GTPBP1: variants seen among roughly 807,000 people sequenced by gnomAD.
The protein encoded by GTPBP1 is GTP-binding protein 1.
Under a neutral mutation model 62.0 loss-of-function variants are expected in GTPBP1, and 23 were observed. The ratio of observed to expected loss-of-function variants is 0.37; its 90% confidence interval spans 0.27 to 0.53. The LOEUF (loss-of-function observed/expected upper bound fraction) is 0.53. Among genes scored for constraint, GTPBP1 ranks in the 20% least tolerant of loss-of-function variants. The pLI is 0.89. For synonymous variants in GTPBP1, 344 were observed against 364.4 expected (o/e 0.94, Z 0.64); for missense variants, 640 against 917.3 (o/e 0.70, Z 3.90).
chr22:38,737,954 G>C (rs550432318), downstream of GTPBP1: 2 of 697,774 alleles, frequency 2.9e-6, no homozygotes, highest in South Asian at 3.0e-5. The surrounding 1 kb of genome is among the most constrained non-coding windows in gnomAD (Gnocchi z 4.1). Flanking sequence ...TTTCCAGGAA[G>C]CTTCCCTCAT....
intron 6 of GTPBP1, chr22:38,725,659 C>T: frequency 4.1e-6 from 1 of 245,090 alleles, no homozygotes; most frequent in Non-Finnish European, 8.0e-6. Context: ...GGGGTATCTT[C>T]TCTGTGGTGG....
At chr22:38,722,511 C>T (rs779675149) in intron 5 of GTPBP1, among the ~76,000 whole-genome samples, 2 of 152,014 alleles carry the variant, frequency 1.3e-5, no homozygotes, top group Non-Finnish European at 2.9e-5. Context: ...TCTACAGAGG[C>T]GAATTATATT....
At position 38,730,428 on chromosome 22, in the gene GTPBP1, T is replaced by C. The variant is rs867249893; in HGVS notation, c.1918-184T>C. Among the ~76,000 whole-genome samples the C allele has an allele frequency of 1.4e-4, 22 of 152,134 alleles. No homozygotes were observed. The highest frequency in any genetic ancestry group is 2.5e-4 in the Non-Finnish European group (17 of 68,014). ...AAGGCAGGGCAGGCACTGGCTCCAT[T>C]TTAGAGACAGAGGGGAGGTGCTGCA... On this transcript the variant is annotated intron_variant, in intron 11 of 11. Transcript: ENST00000216044. This position sits in a 1 kb window ranked among gnomAD's most constrained non-coding sequence, Gnocchi z 5.6.
At chr22:38,715,629 T>G (rs1284845088) in intron 2 of GTPBP1, among the ~76,000 whole-genome samples, 1 of 152,198 alleles carries the variant, frequency 6.6e-6, no homozygotes, top group African/African-American at 2.4e-5. Flanking sequence ...GTAGTCCTAG[T>G]ACCCAGCATG....
intron 10 of GTPBP1, 106 bp from the exon 11 acceptor site, chr22:38,729,356 A>G (rs1000202680): frequency 2.5e-6 from 2 of 799,204 alleles, no homozygotes. Context: ...TGGCAAGATC[A>G]AGGAATGAGG....
chr22:38,713,794 G>T (rs1656630826), intron 2 of GTPBP1, among the ~76,000 whole-genome samples: 1 of 152,216 alleles, frequency 6.6e-6, no homozygotes, highest in Non-Finnish European at 1.5e-5. Flanking sequence ...TGTCTGTGCT[G>T]TTGTTTAAAA....
downstream of GTPBP1, chr22:38,741,515 C>A (rs1474456263): frequency 6.2e-7 from 1 of 1,614,056 alleles, no homozygotes. Flanking sequence ...GGACGATCTT[C>A]TTGAAGAGGT....
intron 11 of GTPBP1, among the ~76,000 whole-genome samples, 189 bp downstream of exon 11, chr22:38,729,851 G>A (rs566921687): frequency 2.2e-4 from 33 of 152,294 alleles, no homozygotes; most frequent in African/African-American, 7.9e-4. Context: ...TTCCAAATCA[G>A]GGAATACAGC....
At chr22:38,725,799 A>G (rs1250050202) in intron 6 of GTPBP1, 2 of 580,064 alleles carry the variant, frequency 3.4e-6, no homozygotes, top group South Asian at 2.1e-5. Flanking sequence ...TGAGTGAGAG[A>G]AGAAGGCCTC....
intron 5 of GTPBP1, 97 bp downstream of exon 5, chr22:38,721,962 T>C: frequency 2.7e-6 from 2 of 735,654 alleles, no homozygotes; most frequent in Admixed American, 3.2e-5. Flanking sequence ...GCCCAGAAAC[T>C]TCTTTTCTTT....
In GTPBP1 at chr22:38,731,299, G is replaced by C. The variant is rs1254479745; in HGVS notation, c.*595G>C. The C allele has an allele frequency of 6.6e-6, 1 of 152,196 alleles. No individual in the cohort carries two copies. Among genetic ancestry groups the C allele is most frequent in the Non-Finnish European group, 1.5e-5 (1 of 68,124 alleles). 9.4% of individuals were successfully genotyped at this position (152,196 alleles called of 1,614,324 possible). A position where few individuals can be genotyped will look rare whatever the true frequency, so the allele number is the denominator to read the frequency against. The stretch of plus-strand genomic sequence containing the variant: ...GCAGGAACCCCCAGTCTAGGACTTG[G>C]GCATTTTAACAGGGAGAAAGTAGTG... On this transcript the variant is annotated 3_prime_UTR_variant, in exon 12 of 12. Transcript: ENST00000216044.
downstream of GTPBP1, chr22:38,736,471 GC>G: frequency 1.9e-6 from 2 of 1,026,532 alleles, no homozygotes; most frequent in Non-Finnish European, 2.8e-6. Context: ...CTCGCCTAGG[GC>G]CAGATGGCTC....
chr22:38,723,276 T>C lies in GTPBP1; in HGVS notation c.959-1021T>C, dbSNP rs114901221. The C allele has an allele frequency of 2.6e-3, 2,383 of 918,532 alleles. 51 individuals are homozygous for C. The African/African-American group carries it at 0.034, about 13-fold the overall frequency. The allele number at this position is 918,532 out of a possible 1,614,324, so 56.9% of individuals were successfully genotyped here. ...AGGTCTTTGAACTCTCCATTGACAA[T>C]GGCTGTACCCTTAAAATAGGGTGCA... On this transcript the variant is annotated intron_variant, in intron 5 of 11. Transcript: ENST00000216044.
rs778724432 is a variant in GTPBP1, at chr22:38,724,429, C to T, written c.1073+18C>T. ...TCTGAAAGGTAACGCGTGGGGAGCG[C>T]ACACTTCAGACAGGCACCCTTGCAG... is the stretch of plus-strand genomic sequence containing the variant. On this transcript the variant is annotated intron_variant, in intron 6 of 11. Transcript: ENST00000216044. The T allele has an allele frequency of 2.1e-6, 3 of 1,440,668 alleles. No homozygotes were observed. In the East Asian group the frequency reaches 6.8e-5, roughly 33 times the overall value. The allele number at this position is 1,440,668 out of a possible 1,614,324, so 89.2% of individuals were successfully genotyped here.
At chr22:38,717,480 G>A (rs2092677358) in intron 4 of GTPBP1, among the ~76,000 whole-genome samples, 1 of 152,132 alleles carries the variant, frequency 6.6e-6, no homozygotes, top group South Asian at 2.1e-4. Flanking sequence ...GAGGAGGATC[G>A]GCCAGTGCAC....
intron 1 of GTPBP1, among the ~76,000 whole-genome samples, chr22:38,708,613 A>G (rs932957386): frequency 7.2e-5 from 11 of 152,144 alleles, no homozygotes; most frequent in African/African-American, 2.4e-4. Flanking sequence ...CCTCTTTACC[A>G]TGGGTTATGG....
Position 38,727,605 on chromosome 22 carries a change from C to A in GTPBP1, c.1537+257C>A, listed in dbSNP as rs138040470. On this transcript the variant is annotated intron_variant, in intron 9 of 11. Transcript: ENST00000216044. This position sits in a 1 kb window ranked among gnomAD's most constrained non-coding sequence, Gnocchi z 6.5. ...CAATCCTTCAGCAAGGTCTGCTGAA[C>A]GCTGCTATGTGCCCAGCGGTGTTGC... Among the ~76,000 whole-genome samples the A allele has an allele frequency of 6.6e-6, 1 of 152,176 alleles. No homozygotes were observed. The highest frequency in any genetic ancestry group is 1.5e-5 in the Non-Finnish European group (1 of 68,038).
At position 38,727,529 on chromosome 22, in the gene GTPBP1, A is replaced by G. The variant is rs2092733339; in HGVS notation, c.1537+181A>G. 6.7e-6 allele frequency among the ~76,000 whole-genome samples: 1 copy of G among 149,178 alleles called. No individual in the cohort carries two copies. Among genetic ancestry groups the G allele is most frequent in the Non-Finnish European group, 1.5e-5 (1 of 66,956 alleles). ...GCAGTGTTGATTCCTTCCCACAAAC[A>G]CTGAGGGCTGGGCTCTTGAGACCCA... On this transcript the variant is annotated intron_variant, in intron 9 of 11. Coordinates refer to ENST00000216044, the MANE Select transcript of GTPBP1 (RefSeq NM_004286.5). This position sits in a 1 kb window ranked among gnomAD's most constrained non-coding sequence, Gnocchi z 6.5.
At chr22:38,736,307 C>G (rs377445434), downstream of GTPBP1, 27 of 1,613,868 alleles carry the variant, frequency 1.7e-5, no homozygotes, top group Non-Finnish European at 2.1e-5. Flanking sequence ...GCGGTAGATG[C>G]AGGTGTACTC....
Sources: allele counts gnomAD v4.1 joint callset (sites outside exome capture counted in the v4.1 genomes callset), GRCh38; gene constraint gnomAD v4.1.1; non-coding constraint Gnocchi (gnomAD v3.1); transcripts MANE v1.5; gene names NCBI Gene and HGNC (gene_info 2026-07-23, HGNC 2026-07-21).